CADPS: variants seen among roughly 807,000 people sequenced by gnomAD.
CADPS encodes the protein calcium dependent secretion activator.
A neutral mutation model predicts 167.3 loss-of-function variants in CADPS; 57 were observed. That is an observed-to-expected ratio of 0.34 (90% CI 0.28 to 0.42). The LOEUF (loss-of-function observed/expected upper bound fraction) is 0.42, where lower values mean the gene tolerates loss of function less well. Ranked by LOEUF, CADPS falls within the 20% of genes least tolerant of loss-of-function variation. The probability of loss-of-function intolerance (pLI) is 1.00; values close to 1 mark genes in which losing one functional copy is unlikely to be tolerated. For missense variants in CADPS, 1,414 were observed against 1,738.1 expected, an observed-to-expected ratio of 0.81 and a Z score of 3.32; for synonymous variants, 676 against 635.3, an observed-to-expected ratio of 1.06 and a Z score of -0.96.
intron 12 of CADPS, among the ~76,000 whole-genome samples, chr3:62,535,294 C>T (rs1485481699): frequency 6.7e-6 from 1 of 149,482 alleles, no homozygotes; most frequent in Non-Finnish European, 1.5e-5. Flanking sequence ...AAGTTCAGAT[C>T]CTTTTGATGA....
chr3:62,798,372 T>G (rs1394746077), intron 1 of CADPS, among the ~76,000 whole-genome samples: 2 of 152,170 alleles, frequency 1.3e-5, no homozygotes, highest in Non-Finnish European at 2.9e-5. Context: ...GGAAGCTGTA[T>G]GCTTCCTGCT....
chr3:62,667,565 T>G (rs531128363), intron 3 of CADPS, among the ~76,000 whole-genome samples: 2 of 152,242 alleles, frequency 1.3e-5, no homozygotes, highest in Non-Finnish European at 2.9e-5. Flanking sequence ...CTCTAGATCC[T>G]CGATGGGAAA....
In CADPS at chr3:62,409,284, C is replaced by T. The variant is rs2048492640; in HGVS notation, c.3778-6099G>A. Among the ~76,000 whole-genome samples the T allele has an allele frequency of 2.6e-5, 4 of 152,220 alleles. No individual in the cohort carries two copies. In the South Asian group the frequency reaches 8.3e-4, roughly 32 times the overall value. On this transcript the variant is annotated intron_variant, in intron 28 of 29. Coordinates refer to ENST00000383710, the MANE Select transcript of CADPS (RefSeq NM_003716.4). ...CTTTATAGAAGTAATGGATTGGTTA[C>T]ACAGAAACAGCTCTAGTCCTAGGTG...
In CADPS at chr3:62,478,435, G is replaced by C. The variant is rs2061577220; in HGVS notation, c.3174-19C>G. The C allele has an allele frequency of 6.2e-7, 1 of 1,608,084 alleles. No individual in the cohort carries two copies. The highest frequency in any genetic ancestry group is 1.3e-5 in the African/African-American group (1 of 74,810). On this transcript the variant is annotated intron_variant, in intron 22 of 29. Coordinates refer to ENST00000383710, the MANE Select transcript of CADPS (RefSeq NM_003716.4). The surrounding 1 kb of genome is among the most constrained non-coding windows in gnomAD (Gnocchi z 5.7). ...CCCATTACTGGCAGGACAAAAATTAGAAAATGAGAGTCACCCACTGGCCTC... is the reference window on the plus strand; with the variant it reads ...CCCATTACTGGCAGGACAAAAATTACAAAATGAGAGTCACCCACTGGCCTC...
At chr3:62,562,470 T>C (rs923870326) in intron 9 of CADPS, among the ~76,000 whole-genome samples, 7 of 152,352 alleles carry the variant, frequency 4.6e-5, no homozygotes, top group African/African-American at 1.7e-4. Context: ...TGATAACATC[T>C]GTGGGACATT....
At chr3:62,831,611 A>G (rs2075104488) in intron 1 of CADPS, among the ~76,000 whole-genome samples, 1 of 152,212 alleles carries the variant, frequency 6.6e-6, no homozygotes, top group African/African-American at 2.4e-5. Context: ...AAAATTAAAT[A>G]GAGTCACAGA....
At chr3:62,668,474 T>C (rs1023064157) in intron 3 of CADPS, among the ~76,000 whole-genome samples, 5 of 152,262 alleles carry the variant, frequency 3.3e-5, no homozygotes, top group Admixed American at 2.6e-4. Context: ...AGGCTGTTCC[T>C]CATGCCTGGA....
chr3:62,665,173 C>T (rs970922600), intron 3 of CADPS, among the ~76,000 whole-genome samples: 3 of 152,146 alleles, frequency 2.0e-5, no homozygotes, highest in Admixed American at 2.0e-4. Flanking sequence ...TGCATTCACA[C>T]AGGAAAAAGG....
intron 9 of CADPS, among the ~76,000 whole-genome samples, chr3:62,562,475 G>A (rs1397445473): frequency 6.6e-6 from 1 of 152,132 alleles, no homozygotes; most frequent in Non-Finnish European, 1.5e-5. Context: ...ACATCTGTGG[G>A]ACATTTCTTT....
intron 6 of CADPS, among the ~76,000 whole-genome samples, chr3:62,593,886 T>C (rs142540355): frequency 6.6e-6 from 1 of 152,244 alleles, no homozygotes; most frequent in Non-Finnish European, 1.5e-5. Context: ...AATCCCCTAA[T>C]ATTCTGTAAG....
chr3:62,490,837 G>A (rs558028239), intron 21 of CADPS, among the ~76,000 whole-genome samples: 5 of 152,192 alleles, frequency 3.3e-5, no homozygotes, highest in South Asian at 2.1e-4. Context: ...AGCTACACTC[G>A]TTCATTTACA....
At chr3:62,576,128 T>C (rs936236216) in intron 8 of CADPS, among the ~76,000 whole-genome samples, 2 of 152,220 alleles carry the variant, frequency 1.3e-5, no homozygotes, top group African/African-American at 2.4e-5. Flanking sequence ...GATCTATTTG[T>C]GTGGGCATTA....
chr3:62,512,417 G>C (rs976388750), intron 17 of CADPS, among the ~76,000 whole-genome samples: 2 of 152,064 alleles, frequency 1.3e-5, no homozygotes, highest in African/African-American at 4.8e-5. Context: ...GAAAAACAAA[G>C]AGGAAGATTC....
intron 2 of CADPS, among the ~76,000 whole-genome samples, chr3:62,762,914 C>A (rs1163935244): frequency 6.6e-6 from 1 of 152,062 alleles, no homozygotes; most frequent in Non-Finnish European, 1.5e-5. Flanking sequence ...AACGTTATTG[C>A]TGTTGGTAAA....
At chr3:62,598,464 T>C (rs1325741173) in intron 6 of CADPS, among the ~76,000 whole-genome samples, 1 of 152,218 alleles carries the variant, frequency 6.6e-6, no homozygotes, top group Non-Finnish European at 1.5e-5. Flanking sequence ...AAAAATGTCA[T>C]GAAAAATATT....
intron 3 of CADPS, among the ~76,000 whole-genome samples, chr3:62,675,458 T>C (rs1220520176): frequency 6.6e-6 from 1 of 152,082 alleles, no homozygotes; most frequent in Non-Finnish European, 1.5e-5. Flanking sequence ...TTAAATTAAC[T>C]CAAGTGAACA....
At chr3:62,744,955 A>T (rs2081131795) in intron 3 of CADPS, among the ~76,000 whole-genome samples, 1 of 152,252 alleles carries the variant, frequency 6.6e-6, no homozygotes, top group African/African-American at 2.4e-5. Flanking sequence ...ATAGAGAAGT[A>T]AGAAAAACCA....
intron 1 of CADPS, among the ~76,000 whole-genome samples, chr3:62,803,192 A>G (rs2093880226): frequency 6.6e-6 from 1 of 152,122 alleles, no homozygotes; most frequent in Admixed American, 6.6e-5. Flanking sequence ...GATCCACAAG[A>G]TCAAGTATCC....
rs980456805 is a variant in CADPS at position 62,424,876 on chromosome 3, A to G, written c.3777+13228T>C. On this transcript the variant is annotated intron_variant, in intron 28 of 29. Coordinates refer to ENST00000383710, the MANE Select transcript of CADPS (RefSeq NM_003716.4). ...ATATACCTGACAAACTACACAAGAT[A>G]CTATCAGGGCTAGGAAGTCATCAAT... Among the ~76,000 whole-genome samples, 9 of 152,242 alleles carry G rather than the reference A, an allele frequency of 5.9e-5. No homozygotes were observed. The South Asian group carries it at 6.2e-4, about 10-fold the overall frequency.
Sources: gnomAD v4.1 joint callset for allele counts (sites outside exome capture counted in the v4.1 genomes callset) on GRCh38, gnomAD v4.1.1 for gene constraint, Gnocchi (gnomAD v3.1) non-coding constraint, MANE v1.5 for transcripts, NCBI Gene and HGNC (gene_info 2026-07-23, HGNC 2026-07-21) for gene names.